Variants in PTPRD observed in about 807,000 individuals in gnomAD.
PTPRD encodes protein tyrosine phosphatase receptor type D.
In PTPRD, 34 loss-of-function variants were observed where a neutral mutation model predicts 214.5. The ratio of observed to expected loss-of-function variants is 0.16; its 90% CI spans 0.12 to 0.21. The LOEUF (loss-of-function observed/expected upper bound fraction) is 0.21, where lower values mean the gene tolerates loss of function less well. Ranked by LOEUF, PTPRD falls within the 10% of genes least tolerant of loss-of-function variation. The pLI, the probability that PTPRD is intolerant of heterozygous loss-of-function variation, is 1.00. For synonymous variants in PTPRD, 1,128 were observed against 845.7 expected (o/e 1.33, Z -5.79); for missense variants, 2,545 against 2,398.7 (o/e 1.06, Z -1.27).
chr9:9,667,030 G>A (rs1164313067), intron 7 of PTPRD, among the ~76,000 whole-genome samples: 1 of 152,000 alleles, frequency 6.6e-6, no homozygotes, highest in Non-Finnish European at 1.5e-5. Flanking sequence ...CCCTCAAAGT[G>A]CAAACATAAA....
chr9:9,951,874 A>G (rs10978130), intron 4 of PTPRD, among the ~76,000 whole-genome samples: 8,259 of 152,292 alleles, frequency 0.054, 392 homozygotes, highest in East Asian at 0.16. Flanking sequence ...GTAAAGACTA[A>G]TATGAAGAGA....
intron 39 of PTPRD, among the ~76,000 whole-genome samples, chr9:8,356,580 C>T (rs1275077723): frequency 6.6e-6 from 1 of 152,180 alleles, no homozygotes; most frequent in Admixed American, 6.5e-5. Context: ...ATACCCCTGT[C>T]CAGATCTCAG....
At chr9:10,457,240 T>G (rs1000566398) in intron 2 of PTPRD, among the ~76,000 whole-genome samples, 7 of 151,988 alleles carry the variant, frequency 4.6e-5, no homozygotes, top group African/African-American at 1.7e-4. Context: ...CAATTTATTT[T>G]TATATGTGTA....
intron 9 of PTPRD, among the ~76,000 whole-genome samples, chr9:9,266,118 C>A (rs1416301809): frequency 1.3e-5 from 2 of 150,886 alleles, no homozygotes; most frequent in African/African-American, 4.9e-5. Context: ...GACTTTAAGT[C>A]AAAAATTGTA....
intron 9 of PTPRD, among the ~76,000 whole-genome samples, chr9:9,285,079 T>C (rs540715004): frequency 6.6e-6 from 1 of 151,934 alleles, no homozygotes; most frequent in East Asian, 2.0e-4. Context: ...CACCACCTAG[T>C]ATGTAATATA....
At chr9:9,727,431 C>T (rs1182090331) in intron 7 of PTPRD, among the ~76,000 whole-genome samples, 2 of 152,020 alleles carry the variant, frequency 1.3e-5, no homozygotes, top group Admixed American at 6.6e-5. Flanking sequence ...GCCTGGATAA[C>T]CAGAGTGAGA....
intron 9 of PTPRD, among the ~76,000 whole-genome samples, chr9:9,268,678 G>A (rs1312207767): frequency 6.6e-6 from 1 of 150,694 alleles, no homozygotes; most frequent in Non-Finnish European, 1.5e-5. Flanking sequence ...ACAAAGAGAA[G>A]AGAACAGAGA....
chr9:9,050,915 T>C (rs932143555), intron 10 of PTPRD, among the ~76,000 whole-genome samples: 1 of 152,180 alleles, frequency 6.6e-6, no homozygotes, highest in African/African-American at 2.4e-5. Context: ...TTTGGTACTA[T>C]CCACAGTGTC....
At chr9:9,203,864 A>G (rs893774890) in intron 9 of PTPRD, among the ~76,000 whole-genome samples, 1 of 152,234 alleles carries the variant, frequency 6.6e-6, no homozygotes, top group Non-Finnish European at 1.5e-5. Flanking sequence ...GTGTTATAGA[A>G]AAGCTAATTT....
intron 6 of PTPRD, among the ~76,000 whole-genome samples, chr9:9,765,553 G>A (rs930620531): frequency 2.6e-5 from 4 of 152,188 alleles, no homozygotes. Context: ...AAGTTTTAGA[G>A]AAACCCTTGT....
chr9:9,633,373 T>C (rs1451548798), intron 7 of PTPRD, among the ~76,000 whole-genome samples: 2 of 151,940 alleles, frequency 1.3e-5, no homozygotes, highest in Non-Finnish European at 1.5e-5. Flanking sequence ...TGCTGAGGAA[T>C]TTGAAGTGTA....
chr9:9,861,882 C>T (rs967904023), intron 5 of PTPRD, among the ~76,000 whole-genome samples: 2 of 152,142 alleles, frequency 1.3e-5, no homozygotes, highest in African/African-American at 2.4e-5. Context: ...ATCATATTTA[C>T]CTTACCTGTT....
At chr9:8,570,818 G>A (rs1346216255) in intron 14 of PTPRD, among the ~76,000 whole-genome samples, 3 of 151,830 alleles carry the variant, frequency 2.0e-5, no homozygotes, top group African/African-American at 7.3e-5. Context: ...AAAGCACCAT[G>A]GCATAAAAAG....
chr9:9,901,733 C>G (rs975207885), intron 5 of PTPRD, among the ~76,000 whole-genome samples: 12 of 152,100 alleles, frequency 7.9e-5, no homozygotes, highest in African/African-American at 2.4e-4. Context: ...AGAGGTTTAA[C>G]TGACTCACAG....
At chr9:10,350,790 G>C (rs116034378) in intron 2 of PTPRD, among the ~76,000 whole-genome samples, 528 of 152,240 alleles carry the variant, frequency 3.5e-3, no homozygotes, top group African/African-American at 0.012. Context: ...AAAGCTAATG[G>C]TCATCGTGCA....
intron 8 of PTPRD, among the ~76,000 whole-genome samples, chr9:9,404,968 T>A (rs2072686718): frequency 6.6e-6 from 1 of 152,082 alleles, no homozygotes; most frequent in Non-Finnish European, 1.5e-5. Flanking sequence ...TGGTTTGTGG[T>A]TTAGATTCCC....
chr9:10,346,728 C>A (rs2097090725), intron 2 of PTPRD, among the ~76,000 whole-genome samples: 1 of 152,060 alleles, frequency 6.6e-6, no homozygotes, highest in Non-Finnish European at 1.5e-5. Context: ...GAGAGGATAT[C>A]TTGTTTTCCT....
chr9:9,393,540 G>T (rs935225365), intron 9 of PTPRD, among the ~76,000 whole-genome samples: 1 of 152,082 alleles, frequency 6.6e-6, no homozygotes, highest in African/African-American at 2.4e-5. Context: ...GACACTTATT[G>T]GAGTGGAATA....
intron 8 of PTPRD, among the ~76,000 whole-genome samples, chr9:9,514,688 A>G (rs2096791973): frequency 1.3e-5 from 2 of 152,044 alleles, no homozygotes; most frequent in African/African-American, 4.8e-5. Context: ...CTGACATCCT[A>G]AGTTTAAAAA....
Sources: allele counts gnomAD v4.1 joint callset (sites outside exome capture counted in the v4.1 genomes callset), GRCh38; gene constraint gnomAD v4.1.1; transcripts MANE v1.5; gene names NCBI Gene and HGNC (gene_info 2026-07-23, HGNC 2026-07-21).